The following UNC5A variants were observed in gnomAD, a reference collection of about 807,000 sequenced individuals.
UNC5A encodes the protein netrin receptor UNC5A.
A neutral mutation model predicts 87.4 loss-of-function variants in UNC5A; 20 were observed. That is an observed-to-expected ratio of 0.23 (90% CI 0.16 to 0.33). The LOEUF is 0.33. Among genes scored for constraint, UNC5A ranks in the 10% least tolerant of loss-of-function variants. The probability of loss-of-function intolerance (pLI) is 1.00; values close to 1 mark genes in which losing one functional copy is unlikely to be tolerated. For missense variants in UNC5A, 844 were observed against 1,133.4 expected (o/e 0.74, Z 3.67); for synonymous variants, 438 against 482.3 (o/e 0.91, Z 1.20).
In UNC5A at chr5:176,877,180, C is replaced by G; in HGVS notation, c.1379-12C>G. The G allele has an allele frequency of 6.2e-7, 1 of 1,606,252 alleles. No individual in the cohort carries two copies. The highest frequency in any genetic ancestry group is 8.5e-7 in the Non-Finnish European group (1 of 1,173,970). The stretch of plus-strand genomic sequence containing the variant: ...CAGTGGGTAAGCCCTGGCCCTCTTC[C>G]TGCCGTTCCAGGAATCAGCCTCCTC... On this transcript the variant is annotated splice_polypyrimidine_tract_variant and intron_variant, in intron 8 of 14. Transcript: ENST00000329542.
rs1176341770 is a variant in UNC5A at position 176,877,439 on chromosome 5, C to T, written c.1467-96C>T. 5.6e-6 allele frequency: 8 copies of T among 1,428,274 alleles called. No homozygotes were observed. In the African/African-American group the frequency reaches 1.0e-4, roughly 18 times the overall value. 88.5% of individuals were successfully genotyped at this position (1,428,274 alleles called of 1,614,324 possible). On this transcript the variant is annotated intron_variant, in intron 9 of 14. Coordinates refer to ENST00000329542, the MANE Select transcript of UNC5A (RefSeq NM_133369.3). The stretch of plus-strand genomic sequence containing the variant: ...TGGTCCTGCAGCCCAAGCCCCTGGC[C>T]CCTGGGATGCTGCTGCCCTGCCCTT...
chr5:176,835,612 C>G (rs1486693813), intron 1 of UNC5A, among the ~76,000 whole-genome samples: 2 of 152,168 alleles, frequency 1.3e-5, no homozygotes, highest in East Asian at 3.8e-4. Context: ...CAAATCCCTC[C>G]CCAGCGTGCA....
chr5:176,829,228 GAAA>G (rs1756933110), intron 1 of UNC5A, among the ~76,000 whole-genome samples: 1 of 136,234 alleles, frequency 7.3e-6, no homozygotes, highest in African/African-American at 2.6e-5. Context: ...GTGGATGTAT[GAAA>G]GATGGATGGA....
chr5:176,854,075 G>GA (rs1349029265), intron 1 of UNC5A, among the ~76,000 whole-genome samples: 1 of 152,160 alleles, frequency 6.6e-6, no homozygotes, highest in Admixed American at 6.5e-5. Flanking sequence ...GGCTTTGAAA[G>GA]AATTCAGAGG....
chr5:176,878,852 AG>A lies in UNC5A; in HGVS notation c.2184+217del, dbSNP rs1171430405. On this transcript the variant is annotated intron_variant, in intron 13 of 14. Coordinates refer to ENST00000329542, the MANE Select transcript of UNC5A (RefSeq NM_133369.3). ...AAATGGGACTTGGGGAGGGGAGTGC[AG>A]GGGACATGGGAGCAGCAGGAGGGGA... Among the ~76,000 whole-genome samples, 4 of 152,248 alleles carry A rather than the reference AG, an allele frequency of 2.6e-5. No individual in the cohort carries two copies. The East Asian group carries it at 5.8e-4, about 22-fold the overall frequency.
Position 176,862,402 on chromosome 5 carries a change from A to G in UNC5A, c.71-222A>G, listed in dbSNP as rs535260483. Among the ~76,000 whole-genome samples, 58 of 152,342 alleles carry G rather than the reference A, an allele frequency of 3.8e-4. 1 individual carries two copies. The highest frequency in any genetic ancestry group is 1.4e-3 in the African/African-American group (57 of 41,582). ...CTCATTTCACCTCACCACGGTCTTC[A>G]GGATGGCATGGGCTGCTCCTTCCCT... On this transcript the variant is annotated intron_variant, in intron 1 of 14. Transcript: ENST00000329542.
At chr5:176,870,876 G>C in intron 6 of UNC5A, among the ~76,000 whole-genome samples, 1 of 136,318 alleles carries the variant, frequency 7.3e-6, no homozygotes, top group South Asian at 2.4e-4. Flanking sequence ...CTTCCCATCT[G>C]CCCACGCTCA....
At position 176,875,785 on chromosome 5, in the gene UNC5A, G is replaced by A. The variant is rs926776759; in HGVS notation, c.1378+1219G>A. Among the ~76,000 whole-genome samples the A allele has an allele frequency of 2.0e-5, 3 of 151,934 alleles. No homozygotes were observed. Among genetic ancestry groups the A allele is most frequent in the East Asian group, 1.9e-4 (1 of 5,176 alleles). On this transcript the variant is annotated intron_variant, in intron 8 of 14. Coordinates refer to ENST00000329542, the MANE Select transcript of UNC5A (RefSeq NM_133369.3). This position sits in a 1 kb window ranked among gnomAD's most constrained non-coding sequence, Gnocchi z 5.2. The stretch of plus-strand genomic sequence containing the variant: ...CAGCCACCATGGACTCAACATCCCC[G>A]ACACACGGTGCTGCCCTCTGCATGC...
At chr5:176,827,687 A>T (rs183265374) in intron 1 of UNC5A, among the ~76,000 whole-genome samples, 5 of 152,336 alleles carry the variant, frequency 3.3e-5, no homozygotes, top group African/African-American at 1.2e-4. Context: ...TTGCTGGGTC[A>T]TACGGTAACT....
chr5:176,817,917 AG>A (rs971908576), intron 1 of UNC5A, among the ~76,000 whole-genome samples: 1 of 151,858 alleles, frequency 6.6e-6, no homozygotes, highest in African/African-American at 2.4e-5. Flanking sequence ...CAAGCCGGGA[AG>A]GGGCGGGATG....
At chr5:176,876,900 A>T (rs530731396) in intron 8 of UNC5A, among the ~76,000 whole-genome samples, 1 of 152,194 alleles carries the variant, frequency 6.6e-6, no homozygotes, top group Non-Finnish European at 1.5e-5. Context: ...AGTGCCTTTC[A>T]GGGGACAAGG....
intron 6 of UNC5A, among the ~76,000 whole-genome samples, chr5:176,870,852 A>ACCTG (rs1758094002): frequency 3.6e-5 from 4 of 112,230 alleles, no homozygotes; most frequent in African/African-American, 7.0e-5. Context: ...GCCCACGCTC[A>ACCTG]CCCCACACCA....
chr5:176,860,096 G>A, intron 1 of UNC5A, among the ~76,000 whole-genome samples: 1 of 152,122 alleles, frequency 6.6e-6, no homozygotes, highest in East Asian at 1.9e-4. Flanking sequence ...GCCCCCACAC[G>A]CCCAGCCAGG....
chr5:176,844,089 C>T lies in UNC5A; in HGVS notation c.71-18535C>T, dbSNP rs926026586. 2.0e-5 allele frequency among the ~76,000 whole-genome samples: 3 copies of T among 152,070 alleles called. No homozygotes were observed. Among genetic ancestry groups the T allele is most frequent in the Non-Finnish European group, 4.4e-5 (3 of 68,012 alleles). ...GACGGGGAGGACGAGGAGGAGGGGCCCTGAGACATGGAAACGAGTGGAGGG... is the reference window on the plus strand; with the variant it reads ...GACGGGGAGGACGAGGAGGAGGGGCTCTGAGACATGGAAACGAGTGGAGGG... On this transcript the variant is annotated intron_variant, in intron 1 of 14. Coordinates refer to ENST00000329542, the MANE Select transcript of UNC5A (RefSeq NM_133369.3). The surrounding 1 kb of genome is among the most constrained non-coding windows in gnomAD (Gnocchi z 4.2).
rs1758245369 is a variant in UNC5A at position 176,875,717 on chromosome 5, G to A, written c.1378+1151G>A. Among the ~76,000 whole-genome samples, 1 of 152,140 alleles carries A rather than the reference G, an allele frequency of 6.6e-6. No homozygotes were observed. The highest frequency in any genetic ancestry group is 1.5e-5 in the Non-Finnish European group (1 of 68,030). ...GAGAAGACCTGTCCCCTGCAGGCCA[G>A]CTGCTTCAGCCTCTTCCCTCACACA... On this transcript the variant is annotated intron_variant, in intron 8 of 14. Coordinates refer to ENST00000329542, the MANE Select transcript of UNC5A (RefSeq NM_133369.3). This position sits in a 1 kb window ranked among gnomAD's most constrained non-coding sequence, Gnocchi z 5.2.
At chr5:176,825,546 G>C (rs546307864) in intron 1 of UNC5A, among the ~76,000 whole-genome samples, 1 of 152,348 alleles carries the variant, frequency 6.6e-6, no homozygotes, top group East Asian at 1.9e-4. Flanking sequence ...AGGATACCAG[G>C]TAGAAAAGGC....
chr5:176,819,284 T>A (rs76113293), intron 1 of UNC5A, among the ~76,000 whole-genome samples: 3,076 of 152,278 alleles, frequency 0.02, 95 homozygotes, highest in African/African-American at 0.07. Flanking sequence ...CACCACACTG[T>A]GCCACAATGC....
Position 176,850,103 on chromosome 5 carries a change from G to A in UNC5A, c.71-12521G>A, listed in dbSNP as rs143677418. Among the ~76,000 whole-genome samples, 1,379 of 152,332 alleles carry A rather than the reference G, an allele frequency of 9.1e-3. 17 individuals carry two copies. The highest frequency in any genetic ancestry group is 0.031 in the African/African-American group (1,299 of 41,574). ...CGAGGAGCAAGCCATGCAGCCCCAC[G>A]TCCCCCAGTCCCTGCCACACCAGCC... On this transcript the variant is annotated intron_variant, in intron 1 of 14. Coordinates refer to ENST00000329542, the MANE Select transcript of UNC5A (RefSeq NM_133369.3).
chr5:176,814,627 G>A (rs1756545368), intron 1 of UNC5A, among the ~76,000 whole-genome samples: 1 of 152,164 alleles, frequency 6.6e-6, no homozygotes, highest in African/African-American at 2.4e-5. Context: ...TGCTTTGGGT[G>A]GGCTAAAGAA....
Sources: allele counts gnomAD v4.1 joint callset (sites outside exome capture counted in the v4.1 genomes callset), GRCh38; gene constraint gnomAD v4.1.1; non-coding constraint Gnocchi (gnomAD v3.1); transcripts MANE v1.5; gene names NCBI Gene and HGNC (gene_info 2026-07-23, HGNC 2026-07-21).